The following BBS12 variants were observed in gnomAD, a reference collection of about 807,000 sequenced individuals.
BBS12 encodes the protein Bardet-Biedl syndrome 12, also known as chaperonin-containing T-complex member BBS12.
A neutral mutation model predicts 5.6 loss-of-function variants in BBS12; 5 were observed. The ratio of observed to expected loss-of-function variants is 0.89; its 90% confidence interval spans 0.46 to 1.86. The LOEUF (loss-of-function observed/expected upper bound fraction) is 1.86. Among genes scored for constraint, BBS12 ranks in the 40% most tolerant of loss-of-function variants. BBS12 has a pLI of 0.01. For synonymous variants in BBS12, 308 were observed against 306.8 expected, an observed-to-expected ratio of 1.00 and a Z score of -0.04; for missense variants, 748 against 830.4, an observed-to-expected ratio of 0.90 and a Z score of 1.22.
At chr4:122,735,826 T>G (rs963321086) in intron 1 of BBS12, among the ~76,000 whole-genome samples, 1 of 152,196 alleles carries the variant, frequency 6.6e-6, no homozygotes, top group African/African-American at 2.4e-5. Flanking sequence ...ATAAGTAAAC[T>G]ATATCCTATT....
At chr4:122,717,131 A>G in the BBS12 span, among the ~76,000 whole-genome samples, 4 of 152,218 alleles carry the variant, frequency 2.6e-5, no homozygotes, top group Non-Finnish European at 5.9e-5. Flanking sequence ...TAACTCGTCA[A>G]GGTTAGAATG....
the BBS12 span, among the ~76,000 whole-genome samples, chr4:122,710,938 T>C: frequency 6.6e-6 from 1 of 152,224 alleles, no homozygotes; most frequent in African/African-American, 2.4e-5. Flanking sequence ...GGATCCAGCA[T>C]AGAACATGAT....
intron 1 of BBS12, among the ~76,000 whole-genome samples, chr4:122,735,253 A>G (rs7658801): frequency 0.18 from 27,444 of 152,190 alleles, 3,582 homozygotes; most frequent in East Asian, 0.64. Context: ...TGAAGAAAAT[A>G]TAGACTATTC....
the BBS12 span, among the ~76,000 whole-genome samples, chr4:122,721,576 C>T: frequency 6.6e-6 from 1 of 152,152 alleles, no homozygotes; most frequent in Non-Finnish European, 1.5e-5. Context: ...CTATTATGCC[C>T]TACTCAGCAT....
chr4:122,716,835 A>C, the BBS12 span, among the ~76,000 whole-genome samples: 1 of 152,046 alleles, frequency 6.6e-6, no homozygotes. Context: ...TTTCATTAAC[A>C]TAAGTGGTTA....
chr4:122,707,334 A>G, the BBS12 span, among the ~76,000 whole-genome samples: 1 of 152,190 alleles, frequency 6.6e-6, no homozygotes, highest in Non-Finnish European at 1.5e-5. Flanking sequence ...TCAGCAAAAT[A>G]CATCATTGAA....
At position 122,743,005 on chromosome 4, in the gene BBS12, ATT is replaced by A. The variant is rs587777803; in HGVS notation, c.1115_1116del (p.Phe372Ter). 160 of 1,614,118 alleles carry A rather than the reference ATT, an allele frequency of 9.9e-5. No individual in the cohort carries two copies. Among genetic ancestry groups the A allele is most frequent in the Non-Finnish European group, 1.3e-4 (159 of 1,180,050 alleles). On this transcript the variant is annotated frameshift_variant, in exon 2 of 2. Coordinates refer to ENST00000314218, the MANE Select transcript of BBS12 (RefSeq NM_152618.3). LOFTEE classifies it low-confidence loss of function (END_TRUNC). Reference protein sequence around the residue: ...DLTENYRHLGFNKSANIKTVL... With the variant: ...DLTENYRHLGXNKSANIKTVL... ...TCACAGAGAATTACCGCCACCTGGG[ATT>A]TAATAAGTCTGCAAATATTAAAACA... is the stretch of plus-strand genomic sequence containing the variant.
the BBS12 span, among the ~76,000 whole-genome samples, chr4:122,720,633 G>A: frequency 3.9e-5 from 6 of 151,982 alleles, no homozygotes; most frequent in Admixed American, 3.9e-4. Flanking sequence ...GAGTATGAGA[G>A]ATACATGAAA....
At chr4:122,731,804 C>G (rs1433430709), upstream of BBS12, 1 of 152,220 alleles carries the variant, frequency 6.6e-6, no homozygotes, top group Non-Finnish European at 1.5e-5. Context: ...ATTAGGTCAG[C>G]AGGCCTGTGT....
At chr4:122,701,291 A>G in the BBS12 span, among the ~76,000 whole-genome samples, 1 of 152,220 alleles carries the variant, frequency 6.6e-6, no homozygotes, top group Admixed American at 6.5e-5. Context: ...AGTGTGCTGC[A>G]GGAAATAGCG....
the BBS12 span, among the ~76,000 whole-genome samples, chr4:122,708,409 C>T: frequency 3.9e-5 from 6 of 152,196 alleles, no homozygotes; most frequent in East Asian, 5.8e-4. Context: ...GGCCAAAATC[C>T]CCTAGAGTCC....
chr4:122,704,487 T>TC, the BBS12 span, among the ~76,000 whole-genome samples: 1 of 152,186 alleles, frequency 6.6e-6, no homozygotes. Context: ...ATGCCTGCAA[T>TC]CATCATCATC....
the BBS12 span, among the ~76,000 whole-genome samples, chr4:122,711,581 C>A: frequency 6.6e-6 from 1 of 152,168 alleles, no homozygotes; most frequent in Non-Finnish European, 1.5e-5. Flanking sequence ...CAATTATAAT[C>A]TTGAAAGATG....
Position 122,741,404 on chromosome 4 carries a change from C to T in BBS12, c.-10-479C>T, listed in dbSNP as rs549719946. 6.6e-5 allele frequency among the ~76,000 whole-genome samples: 10 copies of T among 152,298 alleles called. No homozygotes were observed. The East Asian group carries it at 1.7e-3, about 26-fold the overall frequency. On this transcript the variant is annotated intron_variant, in intron 1 of 1. Coordinates refer to ENST00000314218, the MANE Select transcript of BBS12 (RefSeq NM_152618.3). The stretch of plus-strand genomic sequence containing the variant: ...GTTTCGCCATATTGGCCAGGCTGGT[C>T]TCGAACCCCTGACCTCGTGATCCGC...
chr4:122,741,242 A>G lies in BBS12; in HGVS notation c.-10-641A>G, dbSNP rs1039365536. On this transcript the variant is annotated intron_variant, in intron 1 of 1. Transcript: ENST00000314218. ...TGCTCTGTTGCCCAGGCTGGAGTGC[A>G]GTGGCGCCATCTTGGCTCACTGCAA... 4.6e-5 allele frequency among the ~76,000 whole-genome samples: 7 copies of G among 152,174 alleles called. No homozygotes were observed. The East Asian group carries it at 1.2e-3, about 25-fold the overall frequency.
At chr4:122,727,016 G>A in the BBS12 span, among the ~76,000 whole-genome samples, 1 of 152,126 alleles carries the variant, frequency 6.6e-6, no homozygotes, top group South Asian at 2.1e-4. Context: ...CTGCTCAGGT[G>A]ATGGGTGCAC....
chr4:122,711,004 A>G, the BBS12 span, among the ~76,000 whole-genome samples: 2 of 152,228 alleles, frequency 1.3e-5, no homozygotes, highest in African/African-American at 4.8e-5. Context: ...AAGAGTTTCC[A>G]GAAAAATGGT....
the BBS12 span, among the ~76,000 whole-genome samples, chr4:122,716,461 A>C: frequency 6.6e-6 from 1 of 151,682 alleles, no homozygotes; most frequent in Non-Finnish European, 1.5e-5. Flanking sequence ...ATATCATCTG[A>C]GGAAAACAAC....
chr4:122,744,215 G>A lies in BBS12; in HGVS notation c.*190G>A. On this transcript the variant is annotated 3_prime_UTR_variant, in exon 2 of 2. Coordinates refer to ENST00000314218, the MANE Select transcript of BBS12 (RefSeq NM_152618.3). ...TAAGCTAACAAGTTAGCCTGTTACT[G>A]TTTCGTGGGATGCTACAGAATGCAT... The A allele has an allele frequency of 1.6e-6, 1 of 615,518 alleles. No individual in the cohort carries two copies. The highest frequency in any genetic ancestry group is 2.9e-6 in the Non-Finnish European group (1 of 349,194). The allele number at this position is 615,518 out of a possible 1,614,324, so 38.1% of individuals were successfully genotyped here.
Sources: allele counts gnomAD v4.1 joint callset (sites outside exome capture counted in the v4.1 genomes callset), GRCh38; gene constraint gnomAD v4.1.1; transcripts MANE v1.5; gene names NCBI Gene and HGNC (gene_info 2026-07-23, HGNC 2026-07-21).